Variants in TUFT1 observed in about 807,000 individuals in gnomAD.
TUFT1 encodes the protein tuftelin 1.
Under a neutral mutation model 57.8 loss-of-function variants are expected in TUFT1, and 43 were observed. The observed-to-expected ratio is 0.74, with a 90% CI of 0.58 to 0.96. The LOEUF (loss-of-function observed/expected upper bound fraction) is 0.96, where lower values mean the gene tolerates loss of function less well. TUFT1 is among the 40% of genes least tolerant of loss of function. The probability of loss-of-function intolerance (pLI) is 0.00; values close to 1 mark genes in which losing one functional copy is unlikely to be tolerated. For synonymous variants in TUFT1, 166 were observed against 176.7 expected (o/e 0.94, Z 0.48); for missense variants, 459 against 489.0 (o/e 0.94, Z 0.58).
intron 1 of TUFT1, among the ~76,000 whole-genome samples, chr1:151,541,902 C>T (rs1408253035): frequency 2.0e-5 from 3 of 152,192 alleles, no homozygotes; most frequent in African/African-American, 7.2e-5. Context: ...TACAGTGGCT[C>T]TTCACGGGTG....
In TUFT1 at chr1:151,581,053, G is replaced by A. The variant is rs771484445; in HGVS notation, c.1109+11G>A. 30 of 1,613,006 alleles carry A rather than the reference G, an allele frequency of 1.9e-5. No individual in the cohort carries two copies. Among genetic ancestry groups the A allele is most frequent in the East Asian group, 1.1e-4 (5 of 44,898 alleles). ...AGAGAACCCGGGCAGGTGAGTGAGC[G>A]TGTGTAGATAGAATGGGGCCAGGGA... On this transcript the variant is annotated intron_variant, in intron 12 of 12. Transcript: ENST00000368849.
chr1:151,569,937 G>T, intron 7 of TUFT1, 167 bp downstream of exon 7: 1 of 581,756 alleles, frequency 1.7e-6, no homozygotes, highest in Non-Finnish European at 3.1e-6. Context: ...TCTCCTGGAC[G>T]TTTACACTGT....
intron 4 of TUFT1, 27 bp from the exon 5 acceptor site, chr1:151,564,498 C>T: frequency 1.3e-6 from 2 of 1,584,368 alleles, no homozygotes; most frequent in Non-Finnish European, 1.7e-6. Flanking sequence ...TACCCTAAAG[C>T]TCAAGTTTCT....
intron 7 of TUFT1, among the ~76,000 whole-genome samples, chr1:151,570,497 G>A (rs1013949596): frequency 6.6e-6 from 1 of 151,994 alleles, no homozygotes; most frequent in African/African-American, 2.4e-5. Flanking sequence ...GGCCAGGATG[G>A]TCTCGATCTC....
rs1666681491 is a variant in TUFT1 at position 151,582,753 on chromosome 1, G to A, written c.*1046G>A. Reference sequence around the variant, plus strand: ...CAAACTTGCTCTGCAGCTAAGGAAGGTGAGTCTACTTTCCCTGAGGCTTTG... The same window carrying A: ...CAAACTTGCTCTGCAGCTAAGGAAGATGAGTCTACTTTCCCTGAGGCTTTG... On this transcript the variant is annotated 3_prime_UTR_variant, in exon 13 of 13. Transcript: ENST00000368849. 6.5e-6 allele frequency: 1 copy of A among 153,908 alleles called. No homozygotes were observed. Among genetic ancestry groups the A allele is most frequent in the Non-Finnish European group, 1.4e-5 (1 of 69,414 alleles). The allele number at this position is 153,908 out of a possible 1,614,324, so 9.5% of individuals were successfully genotyped here.
chr1:151,543,802 C>A (rs903533338), intron 1 of TUFT1, among the ~76,000 whole-genome samples: 1 of 152,024 alleles, frequency 6.6e-6, no homozygotes, highest in Non-Finnish European at 1.5e-5. Flanking sequence ...CTGATAGGCC[C>A]CCCCCAGATT....
chr1:151,560,887 TCTACA>T (rs1252028646), intron 1 of TUFT1, among the ~76,000 whole-genome samples: 1 of 152,130 alleles, frequency 6.6e-6, no homozygotes. Context: ...ATCTTCCCAA[TCTACA>T]GGCCCTTACT....
chr1:151,551,877 A>G (rs1394885380), intron 1 of TUFT1, among the ~76,000 whole-genome samples: 1 of 152,198 alleles, frequency 6.6e-6, no homozygotes. Flanking sequence ...ATATATACAG[A>G]AAAATATGTA....
chr1:151,557,486 T>A, intron 1 of TUFT1: 1 of 1,417,314 alleles, frequency 7.1e-7, no homozygotes, highest in Non-Finnish European at 9.9e-7. Context: ...TATGAACTCC[T>A]TTTTAAGGAG....
At chr1:151,567,066 C>T (rs549718737) in intron 6 of TUFT1, among the ~76,000 whole-genome samples, 5 of 152,130 alleles carry the variant, frequency 3.3e-5, no homozygotes, top group South Asian at 4.1e-4. Context: ...CTATAGGGCA[C>T]GCGCCATTAT....
chr1:151,558,508 G>C (rs1025397993), intron 1 of TUFT1, among the ~76,000 whole-genome samples: 14 of 151,950 alleles, frequency 9.2e-5, no homozygotes, highest in Middle Eastern at 3.4e-3. Flanking sequence ...TGTGTCTTTT[G>C]CCAAATTTTG....
chr1:151,562,237 A>G (rs1338510377), intron 2 of TUFT1, 72 bp downstream of exon 2: 7 of 1,383,840 alleles, frequency 5.1e-6, no homozygotes, highest in South Asian at 3.6e-5. Context: ...CTCTTACCCA[A>G]GTACTGCCTG....
chr1:151,557,416 G>A, intron 1 of TUFT1: 1 of 981,102 alleles, frequency 1.0e-6, no homozygotes. Flanking sequence ...GGGCTTTCCA[G>A]CCCCAGCCCC....
intron 6 of TUFT1, among the ~76,000 whole-genome samples, chr1:151,566,796 T>A (rs1483651713): frequency 6.6e-6 from 1 of 152,236 alleles, no homozygotes; most frequent in East Asian, 1.9e-4. Context: ...TGCTTGCTTT[T>A]TTTTTCTTAA....
intron 1 of TUFT1, among the ~76,000 whole-genome samples, chr1:151,550,108 T>A (rs1375957091): frequency 6.6e-6 from 1 of 152,172 alleles, no homozygotes; most frequent in Non-Finnish European, 1.5e-5. Context: ...CTTATCTCCC[T>A]GGGGCCTCTG....
chr1:151,553,266 A>C (rs938998815), intron 1 of TUFT1, among the ~76,000 whole-genome samples: 4 of 151,886 alleles, frequency 2.6e-5, no homozygotes, highest in South Asian at 2.1e-4. Context: ...TAATTTTTCT[A>C]TTTGTAGTAG....
intron 1 of TUFT1, among the ~76,000 whole-genome samples, chr1:151,545,332 T>C (rs1665300802): frequency 6.6e-6 from 1 of 152,128 alleles, no homozygotes; most frequent in Admixed American, 6.5e-5. Context: ...AAAAAGAGCA[T>C]GGCTCTGGGA....
At chr1:151,562,226 C>A in intron 2 of TUFT1, 61 bp downstream of exon 2, 1 of 1,470,888 alleles carries the variant, frequency 6.8e-7, no homozygotes, top group Non-Finnish European at 9.5e-7. Context: ...TTGCTGCTGG[C>A]CTCTTACCCA....
intron 1 of TUFT1, among the ~76,000 whole-genome samples, chr1:151,550,134 C>T (rs972198309): frequency 2.0e-5 from 3 of 152,164 alleles, no homozygotes; most frequent in East Asian, 1.9e-4. Flanking sequence ...CAGGTTCAAG[C>T]GATTCTCCTG....
Sources: gnomAD v4.1 joint callset for allele counts (sites outside exome capture counted in the v4.1 genomes callset) on GRCh38, gnomAD v4.1.1 for gene constraint, MANE v1.5 for transcripts, NCBI Gene and HGNC (gene_info 2026-07-23, HGNC 2026-07-21) for gene names.